The following ADAMTS1 variants were observed in gnomAD, a reference collection of about 807,000 sequenced individuals.
ADAMTS1 encodes the protein A disintegrin and metalloproteinase with thrombospondin motifs 1.
A neutral mutation model predicts 87.9 loss-of-function variants in ADAMTS1; 19 were observed. The ratio of observed to expected loss-of-function variants is 0.22; its 90% CI spans 0.15 to 0.32. The LOEUF is 0.32. Ranked by LOEUF, ADAMTS1 falls within the 10% of genes least tolerant of loss-of-function variation. The pLI is 1.00. For missense variants in ADAMTS1, 1,240 were observed against 1,259.1 expected (o/e 0.98, Z 0.23); for synonymous variants, 542 against 501.8 (o/e 1.08, Z -1.07).
Position 26,845,283 on chromosome 21 carries a change from C to A in ADAMTS1, c.-329G>T. ...AGGCAACGCGGAGATTGGTGCCTGG[C>A]GCCCCTCTTCGGCCTCCGCCTTGGC... On this transcript the variant is annotated 5_prime_UTR_variant, in exon 1 of 9. Coordinates refer to ENST00000284984, the MANE Select transcript of ADAMTS1 (RefSeq NM_006988.5). 3.7e-6 allele frequency: 1 copy of A among 269,934 alleles called. No individual in the cohort carries two copies. The highest frequency in any genetic ancestry group is 6.9e-6 in the Non-Finnish European group (1 of 144,450). The allele number at this position is 269,934 out of a possible 1,614,324, so 16.7% of individuals were successfully genotyped here.
Position 26,842,538 on chromosome 21 carries a change from T to A in ADAMTS1, c.878A>T (p.Tyr293Phe). The change falls in exon 2 of 9, where the codon TAC becomes TTC. Residue 293 changes from tyrosine to phenylalanine, a missense_variant. Physicochemically the swap from Tyr to Phe is conservative, Grantham distance 22. This residue lies in a region of ADAMTS1 where 521 missense variants were observed against 449.7 expected (regional missense o/e 1.16). Coordinates refer to ENST00000284984, the MANE Select transcript of ADAMTS1 (RefSeq NM_006988.5). ...LTLFSVAARLYKHPSIRNSVS... is the reference protein window; with the variant it reads ...LTLFSVAARLFKHPSIRNSVS... Reference sequence around the variant, plus strand: ...TGAATTACGAATGCTGGGGTGTTTGTACAATCTGGCTGCCACCGAAAACAA... The same window carrying A: ...TGAATTACGAATGCTGGGGTGTTTGAACAATCTGGCTGCCACCGAAAACAA... 6.2e-7 allele frequency: 1 copy of A among 1,614,120 alleles called. No individual in the cohort carries two copies. Among genetic ancestry groups the A allele is most frequent in the Non-Finnish European group, 8.5e-7 (1 of 1,180,020 alleles).
At position 26,837,803 on chromosome 21, in the gene ADAMTS1, T is replaced by C. The variant is rs1311988503; in HGVS notation, c.2680A>G (p.Lys894Glu). Residue 894 changes from lysine (K) to glutamate (E), a missense_variant, in exon 9 of 9, where the codon AAG (lysine) becomes GAG (glutamate). Transcript: ENST00000284984. ...INGQPASECAKEVKPASTRPC... is the reference protein window; with the variant it reads ...INGQPASECAEEVKPASTRPC... The stretch of plus-strand genomic sequence containing the variant: ...CTGGTGCTGGCTGGCTTCACTTCCT[T>C]TGCACACTCGGAAGCAGGCTGTCCA... The C allele has an allele frequency of 8.7e-6, 14 of 1,614,046 alleles. No homozygotes were observed. The highest frequency in any genetic ancestry group is 1.1e-5 in the Non-Finnish European group (13 of 1,180,048).
At chr21:26,841,602 T>C (rs1985495546) in intron 3 of ADAMTS1, 1 of 380,522 alleles carries the variant, frequency 2.6e-6, no homozygotes. Flanking sequence ...GGAGATTGGC[T>C]CTTTTGCAGA....
In ADAMTS1 at chr21:26,838,080, G is replaced by A; in HGVS notation, c.2403C>T (p.Tyr801=). 2.5e-6 allele frequency: 4 copies of A among 1,614,164 alleles called. No homozygotes were observed. The highest frequency in any genetic ancestry group is 2.2e-5 in the South Asian group (2 of 91,082). The stretch of plus-strand genomic sequence containing the variant: ...TTTCCAATGCCGCAGAGGAGCCGCT[G>A]TACCTCAAGACAACACCTTTGTACA... The part of the protein sequence containing the change: ...DIMYKGVVLR[Y]SGSSAALERI... The change falls in exon 9 of 9, where the codon TAC becomes TAT. Residue 801 remains tyrosine, a synonymous_variant. Transcript: ENST00000284984.
Position 26,840,310 on chromosome 21 carries a change from T to G in ADAMTS1, c.1631A>C (p.Lys544Thr). The G allele has an allele frequency of 6.2e-7, 1 of 1,614,164 alleles. No homozygotes were observed. Among genetic ancestry groups the G allele is most frequent in the East Asian group, 2.2e-5 (1 of 44,882 alleles). The change falls in exon 5 of 9, where the codon AAG becomes ACG. Residue 544 changes from lysine to threonine, a missense_variant. Around this residue, in one of 3 missense-constraint regions of ADAMTS1, gnomAD observed 317 missense variants for 410.3 expected, o/e 0.77. Transcript: ENST00000284984. ...CGEGKWCING[K>T]CVNKTDRKHF... The stretch of plus-strand genomic sequence containing the variant: ...CTTTCTGTCGGTTTTGTTCACACAC[T>G]TGCCGTTGATACACCATTTCCCTTC...
At chr21:26,838,974 A>T (rs1985435853) in intron 7 of ADAMTS1, 2 of 186,874 alleles carry the variant, frequency 1.1e-5, no homozygotes, top group Non-Finnish European at 2.2e-5. Context: ...TGAATATTGA[A>T]TCTGCAACTT....
chr21:26,841,394 G>A lies in ADAMTS1; in HGVS notation c.1211-229C>T, dbSNP rs953229889. On this transcript the variant is annotated intron_variant, in intron 3 of 8. Coordinates refer to ENST00000284984, the MANE Select transcript of ADAMTS1 (RefSeq NM_006988.5). ...CTGGGCATGCTGAGGCAGCAGAATC[G>A]CTTGAACCCAGGAGGCAGAAGTTGC... 2.7e-5 allele frequency: 11 copies of A among 414,140 alleles called. No individual in the cohort carries two copies. In the Admixed American group the frequency reaches 3.2e-4, roughly 12 times the overall value. The allele number at this position is 414,140 out of a possible 1,614,324, so 25.7% of individuals were successfully genotyped here. A position where few individuals can be genotyped will look rare whatever the true frequency, so the allele number is the denominator to read the frequency against.
intron 1 of ADAMTS1, among the ~76,000 whole-genome samples, 179 bp downstream of exon 1, chr21:26,844,046 G>T (rs1437097293): frequency 6.6e-6 from 1 of 152,154 alleles, no homozygotes; most frequent in Admixed American, 6.5e-5. Flanking sequence ...ATGCAAGTAT[G>T]TTTTCTAGCT....
intron 3 of ADAMTS1, 53 bp from the exon 4 acceptor site, chr21:26,841,218 T>C: frequency 2.5e-6 from 4 of 1,589,302 alleles, no homozygotes; most frequent in Non-Finnish European, 3.4e-6. Flanking sequence ...CTGGGTGCGG[T>C]GGCTCACACC....
At position 26,844,765 on chromosome 21, in the gene ADAMTS1, C is replaced by G. The variant is rs1985583468; in HGVS notation, c.190G>C (p.Glu64Gln). 11 of 1,553,196 alleles carry G rather than the reference C, an allele frequency of 7.1e-6. No homozygotes were observed. The highest frequency in any genetic ancestry group is 8.7e-6 in the Non-Finnish European group (10 of 1,146,048). ...SEEDEELVVP[E>Q]LERAPGHGTT... ...CCGTGTCCCGGGGCGCGCTCCAGCT[C>G]CGGCACCACTAGCTCCTCGTCCTCC... The change falls in exon 1 of 9, where the codon GAG becomes CAG. Residue 64 changes from glutamate (E) to glutamine (Q), a missense_variant. Transcript: ENST00000284984.
rs1271646468 is a variant in ADAMTS1 at position 26,835,760 on chromosome 21, G to T, written c.*1819C>A. ...ATTCAAAAAGCATCCAGAACTGAAA[G>T]CTCTTTCCATTTAATTTATGGTATA... On this transcript the variant is annotated 3_prime_UTR_variant, in exon 9 of 9. Transcript: ENST00000284984. The T allele has an allele frequency of 6.6e-6, 1 of 151,646 alleles. No individual in the cohort carries two copies. 9.4% of individuals were successfully genotyped at this position (151,646 alleles called of 1,614,324 possible). A position where few individuals can be genotyped will look rare whatever the true frequency, so the allele number is the denominator to read the frequency against.
intron 7 of ADAMTS1, 123 bp downstream of exon 7, chr21:26,839,464 G>A: frequency 1.1e-6 from 1 of 913,438 alleles, no homozygotes; most frequent in Admixed American, 2.6e-5. Context: ...AAGAAAAGGA[G>A]TTCAAATTTG....
chr21:26,843,418 A>T (rs529980037), intron 1 of ADAMTS1: 1 of 462,622 alleles, frequency 2.2e-6, no homozygotes, highest in South Asian at 1.6e-5. Flanking sequence ...AAAGGGGAGA[A>T]TTCTTTAAAA....
In ADAMTS1 at chr21:26,840,285, C is replaced by T. The variant is rs768675274; in HGVS notation, c.1656G>A (p.Lys552=). The T allele has an allele frequency of 4.3e-6, 7 of 1,611,874 alleles. No individual in the cohort carries two copies. The highest frequency in any genetic ancestry group is 5.9e-6 in the Non-Finnish European group (7 of 1,178,208). Reference sequence around the variant, plus strand: ...CAGTAGAAAAACTCACATCAAAATGCTTTCTGTCGGTTTTGTTCACACACT... The same window carrying T: ...CAGTAGAAAAACTCACATCAAAATGTTTTCTGTCGGTTTTGTTCACACACT... ...NGKCVNKTDR[K]HFDTPFHGSW... Residue 552 remains lysine, a synonymous_variant, in exon 5 of 9, where the codon AAG becomes AAA. Transcript: ENST00000284984.
intron 7 of ADAMTS1, 169 bp downstream of exon 7, chr21:26,839,418 A>T (rs1985443675): frequency 1.7e-6 from 1 of 605,378 alleles, no homozygotes. Flanking sequence ...AACTGAAAAC[A>T]CTAAACTCAA....
chr21:26,840,400 G>A lies in ADAMTS1; in HGVS notation c.1541C>T (p.Thr514Ile), dbSNP rs545933328. Reference sequence around the variant, plus strand: ...TTGACACACCAGCACCCCACCAGAGGTGCCGGTACACCACAAGGTGCTACA... The same window carrying A: ...TTGACACACCAGCACCCCACCAGAGATGCCGGTACACCACAAGGTGCTACA... ...STCSTLWCTGTSGGVLVCQTK... is the reference protein window; with the variant it reads ...STCSTLWCTGISGGVLVCQTK... The change falls in exon 5 of 9, where the codon ACC becomes ATC. Residue 514 changes from threonine to isoleucine, a missense_variant. Transcript: ENST00000284984. 1.5e-5 allele frequency: 24 copies of A among 1,614,212 alleles called. No individual in the cohort carries two copies. The highest frequency in any genetic ancestry group is 1.6e-4 in the Middle Eastern group (1 of 6,062).
chr21:26,835,974 C>CA lies in ADAMTS1; in HGVS notation c.*1604dup, dbSNP rs1485777238. ...ACAGGATAGTTATTGACAGGATTGA[C>CA]AAAGTTGCAAATATTTACCATTTGG... On this transcript the variant is annotated 3_prime_UTR_variant, in exon 9 of 9. Coordinates refer to ENST00000284984, the MANE Select transcript of ADAMTS1 (RefSeq NM_006988.5). 6.6e-6 allele frequency: 1 copy of CA among 152,128 alleles called. No individual in the cohort carries two copies. Among genetic ancestry groups the CA allele is most frequent in the South Asian group, 2.1e-4 (1 of 4,828 alleles). The allele number at this position is 152,128 out of a possible 1,614,324, so 9.4% of individuals were successfully genotyped here. A position where few individuals can be genotyped will look rare whatever the true frequency, so the allele number is the denominator to read the frequency against.
rs764126402 is a variant in ADAMTS1, at chr21:26,844,887, C to T, written c.68G>A (p.Arg23Gln). Residue 23 changes from arginine to glutamine, a missense_variant, in exon 1 of 9, where the codon CGG becomes CAG. Arg to Gln is a conservative substitution (Grantham distance 43, BLOSUM62 1). Transcript: ENST00000284984. ...CCCAAAGCTCCGAGACCCCGGAGCC[C>T]GCTCCGCGTTCCCCATGTCGCTGCC... ...KLGSDMGNAE[R>Q]APGSRSFGPV... is the part of the protein sequence containing the mutation. 34 of 1,534,322 alleles carry T rather than the reference C, an allele frequency of 2.2e-5. No individual in the cohort carries two copies. Among genetic ancestry groups the T allele is most frequent in the Non-Finnish European group, 2.9e-5 (33 of 1,141,738 alleles).
At chr21:26,842,117 G>A in intron 2 of ADAMTS1, 127 bp from the exon 3 acceptor site, 1 of 1,138,676 alleles carries the variant, frequency 8.8e-7, no homozygotes, top group East Asian at 2.6e-5. Context: ...GACATAAGAA[G>A]ACTTCATGTG....
Sources: allele counts gnomAD v4.1 joint callset (sites outside exome capture counted in the v4.1 genomes callset), GRCh38; gene constraint gnomAD v4.1.1; regional missense constraint gnomAD v4.1.1; transcripts MANE v1.5; gene names NCBI Gene and HGNC (gene_info 2026-07-23, HGNC 2026-07-21).